The following DCDC1 variants were observed in gnomAD, a reference collection of about 807,000 sequenced individuals.
DCDC1 encodes doublecortin domain containing 1, also known as doublecortin domain-containing protein 1.
Under a neutral mutation model 178.3 loss-of-function variants are expected in DCDC1, and 200 were observed. The ratio of observed to expected loss-of-function variants is 1.12; its 90% confidence interval spans 1.00 to 1.26. The LOEUF is 1.26. DCDC1 is among the 50% of genes most tolerant of loss of function. The probability of loss-of-function intolerance (pLI) is 0.00; values close to 1 mark genes in which losing one functional copy is unlikely to be tolerated. For synonymous variants in DCDC1, 690 were observed against 604.8 expected, an observed-to-expected ratio of 1.14 and a Z score of -2.07; for missense variants, 1,983 against 1,749.2, an observed-to-expected ratio of 1.13 and a Z score of -2.38.
chr11:31,108,247 T>C (rs1365390756), intron 12 of DCDC1, among the ~76,000 whole-genome samples: 1 of 152,214 alleles, frequency 6.6e-6, no homozygotes, highest in Non-Finnish European at 1.5e-5. Context: ...AAGGCATTAA[T>C]ACTTCCCATC....
chr11:31,281,792 T>C (rs1946453771), intron 7 of DCDC1, among the ~76,000 whole-genome samples: 1 of 152,178 alleles, frequency 6.6e-6, no homozygotes, highest in African/African-American at 2.4e-5. Flanking sequence ...GCCACCACCA[T>C]GTGAGACGTG....
chr11:31,005,951 T>TG (rs1565174923), intron 20 of DCDC1, among the ~76,000 whole-genome samples: 1 of 93,582 alleles, frequency 1.1e-5, no homozygotes, highest in Non-Finnish European at 2.1e-5. Flanking sequence ...CTCTTATTCC[T>TG]GAAAAAAAAA....
At chr11:31,153,785 A>AACACACACACACACACACACACAC (rs141063677) in intron 9 of DCDC1, among the ~76,000 whole-genome samples, 1,997 of 132,552 alleles carry the variant, frequency 0.015, 43 homozygotes, top group African/African-American at 0.033. Flanking sequence ...TCAGTCTTAA[A>AACACACACACACACACACACACAC]ACACACACAC....
chr11:31,343,852 G>A (rs943366119), intron 1 of DCDC1, among the ~76,000 whole-genome samples: 29 of 152,000 alleles, frequency 1.9e-4, no homozygotes, highest in Admixed American at 1.1e-3. Context: ...CCCAGGAGGC[G>A]GAAATTGCAG....
rs567628434 is a variant in DCDC1 at position 31,140,763 on chromosome 11, G to GA, written c.1222-2980dup. The stretch of plus-strand genomic sequence containing the variant: ...TAAGCAGTTAGTTTAGAAACTAAGG[G>GA]AAAAAAATCCACAAAGGTGTACCTG... On this transcript the variant is annotated intron_variant, in intron 9 of 38. Transcript: ENST00000684477. Among the ~76,000 whole-genome samples the GA allele has an allele frequency of 3.7e-3, 569 of 152,096 alleles. 1 individual carries two copies. Among genetic ancestry groups the GA allele is most frequent in the Admixed American group, 5.7e-3 (87 of 15,282 alleles).
rs557855541 is a variant in DCDC1, at chr11:31,169,740, T to C, written c.1222-31956A>G. ...GTGGTATAGTTAGGGAGATAAAGCA[T>C]GCATATAAACACAAGGCAGAAAGTA... is the stretch of plus-strand genomic sequence containing the variant. On this transcript the variant is annotated intron_variant, in intron 9 of 38. Transcript: ENST00000684477. 1.2e-3 allele frequency among the ~76,000 whole-genome samples: 177 copies of C among 152,318 alleles called. 1 individual carries two copies. Among genetic ancestry groups the C allele is most frequent in the Non-Finnish European group, 1.3e-3 (91 of 68,038 alleles).
intron 18 of DCDC1, among the ~76,000 whole-genome samples, chr11:31,070,214 C>T (rs1218689374): frequency 6.6e-6 from 1 of 152,178 alleles, no homozygotes; most frequent in Non-Finnish European, 1.5e-5. Flanking sequence ...GAGGCACCCA[C>T]AGGTTCAGTC....
chr11:31,087,485 A>T (rs1957550007), intron 17 of DCDC1, among the ~76,000 whole-genome samples: 1 of 152,012 alleles, frequency 6.6e-6, no homozygotes, highest in Admixed American at 6.6e-5. Flanking sequence ...CATTTATATA[A>T]CATTCCCTCT....
chr11:31,312,107 A>G (rs1948805087), intron 3 of DCDC1, among the ~76,000 whole-genome samples: 1 of 152,064 alleles, frequency 6.6e-6, no homozygotes, highest in South Asian at 2.1e-4. Flanking sequence ...AGCCCTAAGG[A>G]GTCTTCTCTC....
intron 9 of DCDC1, among the ~76,000 whole-genome samples, chr11:31,174,942 A>G (rs1245448213): frequency 6.6e-6 from 1 of 152,206 alleles, no homozygotes; most frequent in Non-Finnish European, 1.5e-5. Context: ...GACACAGTTC[A>G]GGAACTTGGA....
intron 9 of DCDC1, among the ~76,000 whole-genome samples, chr11:31,225,715 A>G (rs1469998564): frequency 6.6e-6 from 1 of 150,724 alleles, no homozygotes; most frequent in African/African-American, 2.4e-5. Context: ...CTAGGTAGAT[A>G]TATATCTATA....
intron 20 of DCDC1, among the ~76,000 whole-genome samples, chr11:30,974,543 C>T (rs1284441285): frequency 6.6e-6 from 1 of 151,974 alleles, no homozygotes; most frequent in Non-Finnish European, 1.5e-5. Flanking sequence ...ACAACTAATA[C>T]CACAGAAAAC....
intron 18 of DCDC1, among the ~76,000 whole-genome samples, chr11:31,074,155 C>T (rs1483420509): frequency 6.6e-6 from 1 of 152,074 alleles, no homozygotes; most frequent in Non-Finnish European, 1.5e-5. Context: ...AGATGCCTGA[C>T]TCATGGCTCA....
At chr11:31,148,210 TAAAAAAAAAAA>T (rs55829692) in intron 9 of DCDC1, among the ~76,000 whole-genome samples, 20 of 95,678 alleles carry the variant, frequency 2.1e-4, no homozygotes, top group African/African-American at 6.7e-4. Context: ...TTTATTATTA[TAAAAAAAAAAA>T]AAAAAAAAAA....
intron 2 of DCDC1, 117 bp from the exon 3 acceptor site, chr11:31,328,403 A>G: frequency 1.0e-6 from 1 of 972,952 alleles, no homozygotes; most frequent in Non-Finnish European, 1.4e-6. Context: ...ACCATATAGC[A>G]ATGATTAAAT....
intron 9 of DCDC1, among the ~76,000 whole-genome samples, chr11:31,185,915 C>T (rs147078557): frequency 2.0e-5 from 3 of 152,288 alleles, no homozygotes; most frequent in Non-Finnish European, 4.4e-5. Flanking sequence ...ATAAGTATAT[C>T]AAACATGTTA....
At chr11:30,949,311 T>C (rs1948260394) in intron 21 of DCDC1, among the ~76,000 whole-genome samples, 1 of 152,174 alleles carries the variant, frequency 6.6e-6, no homozygotes, top group Admixed American at 6.5e-5. Context: ...TGAGATACCA[T>C]CTCACGCCAG....
chr11:30,879,259 A>G (rs1942423011), intron 37 of DCDC1, among the ~76,000 whole-genome samples: 1 of 152,170 alleles, frequency 6.6e-6, no homozygotes, highest in Non-Finnish European at 1.5e-5. Flanking sequence ...TTCTTCCTAC[A>G]TACTTAAGCC....
At position 31,109,147 on chromosome 11, in the gene DCDC1, C is replaced by T. The variant is rs1348945911; in HGVS notation, c.1587+1113G>A. 4.1e-5 allele frequency among the ~76,000 whole-genome samples: 6 copies of T among 146,484 alleles called. No homozygotes were observed. In the South Asian group the frequency reaches 8.6e-4, roughly 21 times the overall value. On this transcript the variant is annotated intron_variant, in intron 12 of 38. Coordinates refer to ENST00000684477, the MANE Select transcript of DCDC1 (RefSeq NM_001387274.1). ...TTTTTTTTTTTTTTTGAGACAGGGT[C>T]TCACTCTGTCACCCAGGCTGGAGTG...
Sources: allele counts gnomAD v4.1 joint callset (sites outside exome capture counted in the v4.1 genomes callset), GRCh38; gene constraint gnomAD v4.1.1; transcripts MANE v1.5; gene names NCBI Gene and HGNC (gene_info 2026-07-23, HGNC 2026-07-21).